RBFOX1: variants seen among roughly 807,000 people sequenced by gnomAD.
The protein encoded by RBFOX1 is RNA binding protein fox-1 homolog 1.
A neutral mutation model predicts 57.7 loss-of-function variants in RBFOX1; 8 were observed. The ratio of observed to expected loss-of-function variants is 0.14; its 90% CI spans 0.08 to 0.25. RBFOX1 has a LOEUF of 0.25. Among genes scored for constraint, RBFOX1 ranks in the 10% least tolerant of loss-of-function variants. RBFOX1 has a pLI of 1.00. For missense variants in RBFOX1, 611 were observed against 548.5 expected (o/e 1.11, Z -1.14); for synonymous variants, 326 against 222.4 (o/e 1.47, Z -4.15).
At chr16:5,404,253 T>C (rs1265670657) in intron 1 of RBFOX1, among the ~76,000 whole-genome samples, 2 of 152,172 alleles carry the variant, frequency 1.3e-5, no homozygotes, top group East Asian at 3.9e-4. Flanking sequence ...CTATGCAATC[T>C]GTGCATGTAA....
intron 6 of RBFOX1, among the ~76,000 whole-genome samples, chr16:7,584,549 C>A (rs2093992139): frequency 2.6e-5 from 4 of 152,280 alleles, no homozygotes; most frequent in Middle Eastern, 3.4e-3. Context: ...CCTCAGCCTC[C>A]CACAGTGCTG....
intron 3 of RBFOX1, among the ~76,000 whole-genome samples, chr16:6,997,517 T>G (rs985971034): frequency 6.6e-6 from 1 of 152,196 alleles, no homozygotes; most frequent in Non-Finnish European, 1.5e-5. Flanking sequence ...TGTTGAAGTC[T>G]GAATTGCTTT....
chr16:7,247,535 G>T (rs1378320915), intron 4 of RBFOX1, among the ~76,000 whole-genome samples: 1 of 152,172 alleles, frequency 6.6e-6, no homozygotes, highest in Non-Finnish European at 1.5e-5. Context: ...CCCTGTGCCT[G>T]CCACAATAAT....
chr16:5,520,411 C>T, intron 2 of RBFOX1, among the ~76,000 whole-genome samples: 1 of 152,312 alleles, frequency 6.6e-6, no homozygotes, highest in Middle Eastern at 3.4e-3. Flanking sequence ...AGATGGCTAA[C>T]TCACCCCCTG....
intron 4 of RBFOX1, among the ~76,000 whole-genome samples, chr16:7,099,668 CATCA>C (rs2062324895): frequency 2.0e-5 from 3 of 152,072 alleles, no homozygotes; most frequent in South Asian, 4.1e-4. Context: ...AGACATGAGA[CATCA>C]ATCAATACAT....
At chr16:6,892,651 C>T (rs1291048542) in intron 3 of RBFOX1, among the ~76,000 whole-genome samples, 6 of 151,716 alleles carry the variant, frequency 4.0e-5, no homozygotes, top group Non-Finnish European at 7.4e-5. Context: ...GCCTGGGCAA[C>T]AGAGCAGGGC....
At chr16:5,786,866 C>T (rs1320687180) in intron 3 of RBFOX1, among the ~76,000 whole-genome samples, 2 of 152,128 alleles carry the variant, frequency 1.3e-5, no homozygotes, top group Non-Finnish European at 2.9e-5. Context: ...CCGGGCATGG[C>T]AGCTTGCGCC....
intron 4 of RBFOX1, among the ~76,000 whole-genome samples, chr16:7,480,195 G>C (rs1438982255): frequency 6.6e-6 from 1 of 152,190 alleles, no homozygotes; most frequent in East Asian, 1.9e-4. Context: ...TGAGCTTTGG[G>C]TGAGGGGATG....
rs1451597616 is a variant in RBFOX1, at chr16:5,946,175, T to C, written c.351+78840T>C. Among the ~76,000 whole-genome samples, 1 of 152,212 alleles carries C rather than the reference T, an allele frequency of 6.6e-6. No homozygotes were observed. The highest frequency in any genetic ancestry group is 1.5e-5 in the Non-Finnish European group (1 of 68,044). On this transcript the variant is annotated intron_variant, in intron 4 of 19. Coordinates refer to the RBFOX1 transcript ENST00000641259. The surrounding 1 kb of genome is among the most constrained non-coding windows in gnomAD (Gnocchi z 4.6). ...TAACATGGCAGGATGTGATGGAAAGTGCACAGACGGCCCGAGGTGGGGGCC... is the reference window on the plus strand; with the variant it reads ...TAACATGGCAGGATGTGATGGAAAGCGCACAGACGGCCCGAGGTGGGGGCC...
chr16:7,225,377 G>A (rs1314462634), intron 4 of RBFOX1, among the ~76,000 whole-genome samples: 1 of 152,106 alleles, frequency 6.6e-6, no homozygotes, highest in African/African-American at 2.4e-5. Context: ...AGATCTGATG[G>A]TTTTGTAAGG....
chr16:6,413,505 T>C (rs904284602), intron 2 of RBFOX1, among the ~76,000 whole-genome samples: 5 of 152,066 alleles, frequency 3.3e-5, no homozygotes, highest in African/African-American at 1.2e-4. Context: ...CAGTGAAATT[T>C]TTAGTCGGCT....
intron 1 of RBFOX1, among the ~76,000 whole-genome samples, chr16:6,248,945 G>T (rs1368955327): frequency 6.6e-6 from 1 of 152,162 alleles, no homozygotes; most frequent in Admixed American, 6.6e-5. Context: ...TGCTTTCTAT[G>T]TACGAGGTAC....
At chr16:6,947,529 A>G (rs986191184) in intron 3 of RBFOX1, among the ~76,000 whole-genome samples, 3 of 152,168 alleles carry the variant, frequency 2.0e-5, no homozygotes, top group African/African-American at 4.8e-5. Flanking sequence ...GTGAGATGAG[A>G]GAAATCCTCC....
intron 3 of RBFOX1, among the ~76,000 whole-genome samples, chr16:6,951,853 C>A (rs1268786997): frequency 6.6e-6 from 1 of 152,168 alleles, no homozygotes; most frequent in East Asian, 1.9e-4. Flanking sequence ...CCTGCCTCAG[C>A]CTACTGAGTA....
intron 14 of RBFOX1, among the ~76,000 whole-genome samples, chr16:7,695,649 CAAAAAAAAAAA>C (rs34363093): frequency 1.0e-5 from 1 of 98,400 alleles, no homozygotes; most frequent in Non-Finnish European, 1.9e-5. Context: ...AAGCCTCCAT[CAAAAAAAAAAA>C]AAAAAAAAAA....
intron 3 of RBFOX1, among the ~76,000 whole-genome samples, chr16:6,966,349 C>T (rs938101699): frequency 5.3e-5 from 8 of 152,048 alleles, no homozygotes; most frequent in Admixed American, 4.6e-4. Flanking sequence ...AGAGCACACA[C>T]AGTCTAGTTT....
chr16:7,390,460 C>T (rs916003091), intron 4 of RBFOX1, among the ~76,000 whole-genome samples: 13 of 152,204 alleles, frequency 8.5e-5, no homozygotes, highest in African/African-American at 2.7e-4. Flanking sequence ...TTACTCACAT[C>T]TTCTAACCTC....
At chr16:5,732,390 A>G (rs2052410443) in intron 3 of RBFOX1, among the ~76,000 whole-genome samples, 1 of 152,216 alleles carries the variant, frequency 6.6e-6, no homozygotes, top group Non-Finnish European at 1.5e-5. Context: ...GAAGGCTCAA[A>G]GCAACTCAGG....
At chr16:5,333,471 G>A (rs1025011183) in intron 1 of RBFOX1, among the ~76,000 whole-genome samples, 3 of 152,036 alleles carry the variant, frequency 2.0e-5, no homozygotes, top group African/African-American at 7.2e-5. Flanking sequence ...CAGATCCCCC[G>A]ATTATATACA....
Sources: gnomAD v4.1 joint callset for allele counts (sites outside exome capture counted in the v4.1 genomes callset) on GRCh38, gnomAD v4.1.1 for gene constraint, Gnocchi (gnomAD v3.1) non-coding constraint, MANE v1.5 for transcripts, NCBI Gene and HGNC (gene_info 2026-07-23, HGNC 2026-07-21) for gene names.